Variants in ESRRB observed in about 807,000 individuals in gnomAD.
ESRRB encodes the protein steroid hormone receptor ERR2.
ESRRB carries 16 observed loss-of-function variants against 46.0 expected under a neutral mutation model. That is an observed-to-expected ratio of 0.35 (90% CI 0.24 to 0.53). ESRRB has a LOEUF of 0.53. ESRRB is among the 20% of genes least tolerant of loss of function. The pLI is 0.93. For missense variants in ESRRB, 488 were observed against 607.4 expected (o/e 0.80, Z 2.07); for synonymous variants, 246 against 259.6 (o/e 0.95, Z 0.50).
chr14:76,478,751 A>C (rs1247863988), intron 3 of ESRRB, among the ~76,000 whole-genome samples: 4 of 152,042 alleles, frequency 2.6e-5, no homozygotes, highest in African/African-American at 9.7e-5. Flanking sequence ...TGAACAGAGG[A>C]GGCTTCTATG....
At chr14:76,401,139 T>A (rs1885925398) in intron 1 of ESRRB, among the ~76,000 whole-genome samples, 1 of 152,182 alleles carries the variant, frequency 6.6e-6, no homozygotes, top group African/African-American at 2.4e-5. Context: ...ACATCCTGTG[T>A]CATAGGAAAA....
intron 1 of ESRRB, among the ~76,000 whole-genome samples, chr14:76,401,281 G>C (rs1197475355): frequency 6.6e-6 from 1 of 152,194 alleles, no homozygotes; most frequent in East Asian, 1.9e-4. Context: ...TGATGAATGG[G>C]GACCGTGAGG....
At chr14:76,442,816 C>CTTTTTTT (rs1245748328) in intron 2 of ESRRB, among the ~76,000 whole-genome samples, 1 of 131,082 alleles carries the variant, frequency 7.6e-6, no homozygotes, top group African/African-American at 2.8e-5. Flanking sequence ...TCTTTTTTTT[C>CTTTTTTT]TTTTTTTTTT....
intron 1 of ESRRB, among the ~76,000 whole-genome samples, chr14:76,317,893 G>A (rs1019113046): frequency 2.0e-5 from 3 of 152,146 alleles, no homozygotes; most frequent in African/African-American, 7.2e-5. Flanking sequence ...CAGTAAGATA[G>A]GTTATCCAGC....
At chr14:76,363,128 G>A (rs552172489) in intron 1 of ESRRB, among the ~76,000 whole-genome samples, 1 of 152,190 alleles carries the variant, frequency 6.6e-6, no homozygotes. Flanking sequence ...CAAGGAATGA[G>A]AGGAATTGTG....
At chr14:76,315,961 T>C (rs78011990) in intron 1 of ESRRB, among the ~76,000 whole-genome samples, 11,537 of 152,272 alleles carry the variant, frequency 0.076, 576 homozygotes, top group South Asian at 0.15. Context: ...TGGCCCTGGC[T>C]CACATTCCAG....
chr14:76,444,798 T>C (rs138279154), intron 2 of ESRRB, among the ~76,000 whole-genome samples: 25 of 152,212 alleles, frequency 1.6e-4, no homozygotes, highest in African/African-American at 6.0e-4. Context: ...TTTTTTTAAG[T>C]TCTATTGTGT....
chr14:76,472,218 T>G (rs1168780242), intron 3 of ESRRB, among the ~76,000 whole-genome samples: 1 of 152,294 alleles, frequency 6.6e-6, no homozygotes, highest in East Asian at 1.9e-4. Context: ...AACTTCTCTG[T>G]GTCAGGCGTA....
At chr14:76,333,941 C>T (rs1337333857) in intron 1 of ESRRB, among the ~76,000 whole-genome samples, 1 of 152,030 alleles carries the variant, frequency 6.6e-6, no homozygotes, top group African/African-American at 2.4e-5. Context: ...GCTGTGTGAC[C>T]TCAGATAAGC....
At chr14:76,431,331 C>A (rs1887434054) in intron 1 of ESRRB, among the ~76,000 whole-genome samples, 1 of 152,148 alleles carries the variant, frequency 6.6e-6, no homozygotes, top group Non-Finnish European at 1.5e-5. Context: ...CGATGATGAT[C>A]TCTTGTTGAT....
intron 6 of ESRRB, among the ~76,000 whole-genome samples, chr14:76,497,094 G>A (rs1890461044): frequency 6.6e-6 from 1 of 152,178 alleles, no homozygotes; most frequent in African/African-American, 2.4e-5. Flanking sequence ...GGAGCTGGCA[G>A]GAGTCAGGAG....
chr14:76,463,084 G>A (rs1157295842), intron 3 of ESRRB: 2 of 258,986 alleles, frequency 7.7e-6, no homozygotes, highest in Non-Finnish European at 1.5e-5. Context: ...GTGAAGAATG[G>A]CATTTGTTTT....
intron 1 of ESRRB, among the ~76,000 whole-genome samples, chr14:76,328,385 C>T (rs1005265772): frequency 1.3e-5 from 2 of 152,198 alleles, no homozygotes; most frequent in East Asian, 3.9e-4. Context: ...TCCCTTAGTC[C>T]CCCTGAGTCG....
In ESRRB at chr14:76,499,679, C is replaced by T. The variant is rs1180086118; in HGVS notation, c.*1221C>T. On this transcript the variant is annotated 3_prime_UTR_variant, in exon 7 of 7. Transcript: ENST00000644823. ...GAGCACGCCAGCTCTCTGGCAGGACCCCTGCAGTCCCCCTGGCTGTGCCAG... is the reference window on the plus strand; with the variant it reads ...GAGCACGCCAGCTCTCTGGCAGGACTCCTGCAGTCCCCCTGGCTGTGCCAG... 1.5e-6 allele frequency: 1 copy of T among 670,492 alleles called. No homozygotes were observed. The highest frequency in any genetic ancestry group is 2.7e-6 in the Non-Finnish European group (1 of 370,466). The allele number at this position is 670,492 out of a possible 1,614,324, so 41.5% of individuals were successfully genotyped here.
At chr14:76,368,392 AC>A (rs1455619048), upstream of ESRRB, among the ~76,000 whole-genome samples, 1 of 151,974 alleles carries the variant, frequency 6.6e-6, no homozygotes, top group Non-Finnish European at 1.5e-5. Context: ...TGGTAGAATT[AC>A]CCCAAAGCAG....
chr14:76,362,181 C>G (rs1231281117), intron 1 of ESRRB, among the ~76,000 whole-genome samples: 1 of 152,198 alleles, frequency 6.6e-6, no homozygotes, highest in Non-Finnish European at 1.5e-5. Context: ...CTGCTACGTG[C>G]TAGGCACGGT....
intron 1 of ESRRB, among the ~76,000 whole-genome samples, chr14:76,338,600 G>A (rs907680879): frequency 3.3e-5 from 5 of 152,214 alleles, no homozygotes; most frequent in African/African-American, 9.6e-5. Context: ...GAAGAGAGGG[G>A]TATAGCTTAT....
chr14:76,403,469 G>C (rs1417589833), intron 1 of ESRRB, among the ~76,000 whole-genome samples: 2 of 152,230 alleles, frequency 1.3e-5, no homozygotes, highest in Non-Finnish European at 2.9e-5. Context: ...AAAATGAAGA[G>C]ATGAGGGAAT....
At chr14:76,358,414 A>AG (rs1292822858) in intron 1 of ESRRB, among the ~76,000 whole-genome samples, 4 of 146,010 alleles carry the variant, frequency 2.7e-5, no homozygotes, top group African/African-American at 7.6e-5. Flanking sequence ...AAAGAAAGAA[A>AG]AGAAAAGAAA....
Sources: gnomAD v4.1 joint callset for allele counts (sites outside exome capture counted in the v4.1 genomes callset) on GRCh38, gnomAD v4.1.1 for gene constraint, MANE v1.5 for transcripts, NCBI Gene and HGNC (gene_info 2026-07-23, HGNC 2026-07-21) for gene names.